Variants in GPLD1 observed in about 807,000 individuals in gnomAD.
GPLD1 encodes the protein glycosylphosphatidylinositol specific phospholipase D1, also known as phosphatidylinositol-glycan-specific phospholipase D.
A neutral mutation model predicts 112.6 loss-of-function variants in GPLD1; 84 were observed. The observed-to-expected ratio is 0.75, with a 90% CI of 0.63 to 0.89. GPLD1 has a LOEUF of 0.89. Ranked by LOEUF, GPLD1 falls within the 40% of genes least tolerant of loss-of-function variation. The pLI, the probability that GPLD1 is intolerant of heterozygous loss-of-function variation, is 0.00. For missense variants in GPLD1, 1,044 were observed against 1,051.5 expected (o/e 0.99, Z 0.10); for synonymous variants, 386 against 403.8 (o/e 0.96, Z 0.53).
chr6:24,449,725 C>T, intron 15 of GPLD1, 64 bp downstream of exon 15: 2 of 1,094,054 alleles, frequency 1.8e-6, no homozygotes, highest in Non-Finnish European at 1.4e-6. Context: ...CCAGCGTTGG[C>T]CTCCCTCAGA....
Position 24,429,051 on chromosome 6 carries a change from T to C in GPLD1, c.2504A>G (p.Tyr835Cys). The C allele has an allele frequency of 1.2e-6, 2 of 1,612,924 alleles. No homozygotes were observed. Among genetic ancestry groups the C allele is most frequent in the Admixed American group, 1.7e-5 (1 of 59,986 alleles). Residue 835 changes from tyrosine to cysteine, a missense_variant, in exon 25 of 25, where the codon TAT (tyrosine) becomes TGT (cysteine). Tyr to Cys is a radical substitution (Grantham distance 194). Transcript: ENST00000230036. Reference sequence around the variant, plus strand: ...AAATCTTCAATCTGAGCCAAGGCTATAGACGTGAAGTGCCCCGGAGAGTCG... The same window carrying C: ...AAATCTTCAATCTGAGCCAAGGCTACAGACGTGAAGTGCCCCGGAGAGTCG... The part of the protein sequence containing the change: ...GARLSGALHV[Y>C]SLGSD
chr6:24,461,199 G>C (rs2793438), intron 11 of GPLD1, among the ~76,000 whole-genome samples: 14,780 of 152,190 alleles, frequency 0.097, 1,491 homozygotes, highest in African/African-American at 0.25. Flanking sequence ...ACAGCCGTAA[G>C]TGACGGGGCC....
At chr6:24,457,095 C>T (rs1275301746) in intron 12 of GPLD1, among the ~76,000 whole-genome samples, 1 of 152,216 alleles carries the variant, frequency 6.6e-6, no homozygotes, top group African/African-American at 2.4e-5. Flanking sequence ...GTCTCGAATT[C>T]CTGACCTTAA....
Position 24,442,472 on chromosome 6 carries a change from T to G in GPLD1, c.2020+3074A>C, listed in dbSNP as rs1169450672. Among the ~76,000 whole-genome samples the G allele has an allele frequency of 2.0e-5, 2 of 98,992 alleles. 1 individual carries two copies. The highest frequency in any genetic ancestry group is 3.8e-5 in the Non-Finnish European group (2 of 52,864). 64.9% of individuals were successfully genotyped at this position (98,992 alleles called of 152,430 possible). ...TTTTTTTTTTTTTTTTGAGATGGAA[T>G]TTCACTCTGTCACCCAGGCTGGAGT... On this transcript the variant is annotated intron_variant, in intron 20 of 24. Coordinates refer to ENST00000230036, the MANE Select transcript of GPLD1 (RefSeq NM_001503.4).
intron 17 of GPLD1, among the ~76,000 whole-genome samples, chr6:24,447,531 C>CAACAAT (rs1762947662): frequency 6.6e-6 from 1 of 151,098 alleles, no homozygotes; most frequent in African/African-American, 2.4e-5. Context: ...AAAGAAAAAA[C>CAACAAT]AACAATAACA....
intron 20 of GPLD1, among the ~76,000 whole-genome samples, chr6:24,444,498 A>AT (rs567559014): frequency 1.1e-3 from 155 of 145,278 alleles, no homozygotes; most frequent in African/African-American, 3.6e-3. Context: ...GTTCTTATTT[A>AT]TTTTTTTTTT....
Position 24,426,477 on chromosome 6 carries a change from T to TGAAAG in GPLD1, c.*2554_*2555insCTTTC, listed in dbSNP as rs3216033. 0.44 allele frequency among the ~76,000 whole-genome samples: 66,785 copies of TGAAAG among 151,584 alleles called. 14,959 individuals carry two copies. Among genetic ancestry groups the TGAAAG allele is most frequent in the East Asian group, 0.76 (3,903 of 5,142 alleles). On this transcript the variant is annotated 3_prime_UTR_variant, in exon 25 of 25. Coordinates refer to ENST00000230036, the MANE Select transcript of GPLD1 (RefSeq NM_001503.4). Reference sequence around the variant, plus strand: ...AGTATGGTTAAATGTCCTATAAACTTGAAGCTTGCTTCCATTTTTGTGGGT... The same window carrying TGAAAG: ...AGTATGGTTAAATGTCCTATAAACTTGAAAGGAAGCTTGCTTCCATTTTTGTGGGT...
At chr6:24,447,759 A>G (rs187129786) in intron 17 of GPLD1, 118 bp downstream of exon 17, 3 of 925,918 alleles carry the variant, frequency 3.2e-6, no homozygotes, top group East Asian at 2.6e-5. Flanking sequence ...ACAGACTGTT[A>G]GAAAATGTTG....
chr6:24,441,077 C>T (rs555692987), intron 20 of GPLD1, among the ~76,000 whole-genome samples: 158 of 151,840 alleles, frequency 1.0e-3, no homozygotes, highest in African/African-American at 3.7e-3. Context: ...CCGAGGCGGG[C>T]GGATCACCTG....
At chr6:24,440,178 A>C (rs2127322862) in intron 20 of GPLD1, among the ~76,000 whole-genome samples, 1 of 145,436 alleles carries the variant, frequency 6.9e-6, no homozygotes, top group East Asian at 2.0e-4. Context: ...TAAACTTGCC[A>C]GGCATGATGG....
chr6:24,435,136 C>T (rs2753915), intron 22 of GPLD1, among the ~76,000 whole-genome samples: 105,724 of 150,898 alleles, frequency 0.7, 38,037 homozygotes, highest in Non-Finnish European at 0.79. Context: ...CTCAGCCTCC[C>T]GAGTAGCTGG....
intron 12 of GPLD1, 105 bp downstream of exon 12, chr6:24,460,174 C>A: frequency 1.5e-6 from 2 of 1,347,916 alleles, no homozygotes; most frequent in South Asian, 2.4e-5. Context: ...CACATCCCAC[C>A]ACAGGTAAAT....
chr6:24,481,674 G>A (rs1027258225), intron 2 of GPLD1, among the ~76,000 whole-genome samples: 1 of 152,142 alleles, frequency 6.6e-6, no homozygotes, highest in Non-Finnish European at 1.5e-5. Context: ...AGAGCTCTGG[G>A]AAGATGCCCT....
chr6:24,436,544 C>T (rs1236515887), intron 22 of GPLD1, 32 bp downstream of exon 22: 1 of 1,590,632 alleles, frequency 6.3e-7, no homozygotes, highest in Admixed American at 1.7e-5. Flanking sequence ...GATCCTTTCC[C>T]AATAAGTTAT....
intron 11 of GPLD1, among the ~76,000 whole-genome samples, chr6:24,462,267 G>A (rs1763462545): frequency 1.3e-5 from 2 of 152,040 alleles, no homozygotes; most frequent in African/African-American, 4.8e-5. Context: ...CAAGTAGCTG[G>A]GACTACAGGC....
At position 24,449,898 on chromosome 6, in the gene GPLD1, G is replaced by C; in HGVS notation, c.1337C>G (p.Pro446Arg). ...CAAGGCCGAGCCAAACCGACCTGAG[G>C]GCTGAAGAGGCACAAGTTTACTTCC... ...EAHRILEGFQ[P>R]SGRFGSALAV... is the part of the protein sequence containing the mutation. The change falls in exon 15 of 25, where the codon CCC becomes CGC. Residue 446 changes from proline to arginine, a missense_variant and splice_region_variant. Pro to Arg is a moderately radical substitution (Grantham distance 103, BLOSUM62 -2). Coordinates refer to ENST00000230036, the MANE Select transcript of GPLD1 (RefSeq NM_001503.4). The C allele has an allele frequency of 6.2e-7, 1 of 1,608,630 alleles. No individual in the cohort carries two copies. Among genetic ancestry groups the C allele is most frequent in the Non-Finnish European group, 8.5e-7 (1 of 1,175,646 alleles).
intron 6 of GPLD1, 86 bp from the exon 7 acceptor site, chr6:24,472,722 A>G (rs1340718732): frequency 1.3e-6 from 1 of 769,130 alleles, no homozygotes; most frequent in Non-Finnish European, 2.3e-6. Flanking sequence ...GACAAGTTGG[A>G]TTATTAGTTT....
intron 19 of GPLD1, 25 bp from the exon 20 acceptor site, chr6:24,445,664 T>C (rs764060243): frequency 2.9e-5 from 47 of 1,605,752 alleles, no homozygotes; most frequent in Non-Finnish European, 3.8e-5. Context: ...AAATCAATAT[T>C]GTATAGGTGA....
At chr6:24,476,669 TCA>T (rs774254317) in intron 3 of GPLD1, among the ~76,000 whole-genome samples, 2 of 152,342 alleles carry the variant, frequency 1.3e-5, no homozygotes, top group Non-Finnish European at 2.9e-5. Flanking sequence ...TCCTTGTCCC[TCA>T]CAGTCAGCCT....
Sources: allele counts gnomAD v4.1 joint callset (sites outside exome capture counted in the v4.1 genomes callset), GRCh38; gene constraint gnomAD v4.1.1; transcripts MANE v1.5; gene names NCBI Gene and HGNC (gene_info 2026-07-23, HGNC 2026-07-21).